Variants in AGBL4 observed in about 807,000 individuals in gnomAD.
AGBL4 encodes AGBL carboxypeptidase 4.
In AGBL4, 58 loss-of-function variants were observed where a neutral mutation model predicts 66.4. The ratio of observed to expected loss-of-function variants is 0.87; its 90% confidence interval spans 0.71 to 1.09. AGBL4 has a LOEUF of 1.09. AGBL4 is among the 50% of genes least tolerant of loss of function. The probability of loss-of-function intolerance (pLI) is 0.00; values close to 1 mark genes in which losing one functional copy is unlikely to be tolerated. For missense variants in AGBL4, 579 were observed against 631.0 expected (o/e 0.92, Z 0.88); for synonymous variants, 234 against 222.9 (o/e 1.05, Z -0.44).
chr1:49,437,851 G>T (rs1368419079), intron 3 of AGBL4, among the ~76,000 whole-genome samples: 1 of 151,094 alleles, frequency 6.6e-6, no homozygotes, highest in African/African-American at 2.5e-5. Context: ...CGGCCTGACA[G>T]ATTCTTGTTT....
rs182627351 is a variant in AGBL4, at chr1:49,977,354, T to C, written c.34+46409A>G. 9.2e-5 allele frequency among the ~76,000 whole-genome samples: 14 copies of C among 152,366 alleles called. No homozygotes were observed. In the East Asian group the frequency reaches 2.5e-3, roughly 27 times the overall value. ...ACTTCACCTCCCATCTTCCATGAGC[T>C]TCACCTCCCATCTTCCATGAGCTTC... is the stretch of plus-strand genomic sequence containing the variant. On this transcript the variant is annotated intron_variant, in intron 1 of 13. Transcript: ENST00000371839.
intron 5 of AGBL4, among the ~76,000 whole-genome samples, chr1:48,910,009 CTCTA>C (rs1445464755): frequency 4.6e-5 from 7 of 152,150 alleles, no homozygotes; most frequent in African/African-American, 1.4e-4. Context: ...ACTTAATGGA[CTCTA>C]TCTAACTATT....
At chr1:49,388,844 A>G (rs1380623568) in intron 3 of AGBL4, among the ~76,000 whole-genome samples, 1 of 152,152 alleles carries the variant, frequency 6.6e-6, no homozygotes, top group African/African-American at 2.4e-5. Context: ...TGTCAGGAAA[A>G]CTGCAGAAGA....
intron 3 of AGBL4, among the ~76,000 whole-genome samples, chr1:49,609,163 G>A (rs190761016): frequency 3.3e-5 from 5 of 152,260 alleles, no homozygotes; most frequent in Admixed American, 3.3e-4. Flanking sequence ...AAGGACAACA[G>A]CCAAGCACAG....
intron 6 of AGBL4, among the ~76,000 whole-genome samples, chr1:48,793,359 A>G (rs1570687308): frequency 6.6e-6 from 1 of 152,312 alleles, no homozygotes; most frequent in East Asian, 1.9e-4. Flanking sequence ...TATTAAATCT[A>G]AAGCTCTCTT....
intron 5 of AGBL4, among the ~76,000 whole-genome samples, chr1:48,893,171 G>T (rs555895185): frequency 1.8e-4 from 28 of 152,114 alleles, no homozygotes; most frequent in Non-Finnish European, 3.7e-4. Flanking sequence ...TGTACCAATG[G>T]GTGGTTTGGA....
At chr1:48,923,762 T>A (rs148127956) in intron 5 of AGBL4, among the ~76,000 whole-genome samples, 2 of 152,202 alleles carry the variant, frequency 1.3e-5, no homozygotes, top group Non-Finnish European at 2.9e-5. Flanking sequence ...TTTAACGAAT[T>A]TGCATTTGGC....
intron 4 of AGBL4, among the ~76,000 whole-genome samples, chr1:49,206,537 C>T (rs1450037159): frequency 6.6e-6 from 1 of 152,052 alleles, no homozygotes; most frequent in African/African-American, 2.4e-5. Flanking sequence ...ACACAAACCC[C>T]TTCCCTGACA....
At chr1:49,124,999 G>A (rs1423212632) in intron 4 of AGBL4, among the ~76,000 whole-genome samples, 1 of 152,144 alleles carries the variant, frequency 6.6e-6, no homozygotes, top group East Asian at 1.9e-4. Context: ...TTCTCAGTCA[G>A]TTGGTGACTT....
chr1:48,972,255 T>C (rs534825079), intron 5 of AGBL4, among the ~76,000 whole-genome samples: 3 of 152,168 alleles, frequency 2.0e-5, no homozygotes, highest in Admixed American at 6.6e-5. Flanking sequence ...AGGGAGATGG[T>C]CAAGTTGGGG....
At chr1:49,877,542 G>C (rs1258464777) in intron 1 of AGBL4, among the ~76,000 whole-genome samples, 2 of 151,490 alleles carry the variant, frequency 1.3e-5, no homozygotes, top group South Asian at 2.1e-4. Flanking sequence ...TTTTTGATGG[G>C]CTGCTGGATT....
At chr1:48,820,224 T>C (rs6684711) in intron 6 of AGBL4, among the ~76,000 whole-genome samples, 124,341 of 152,116 alleles carry the variant, frequency 0.82, 53,580 homozygotes, top group Non-Finnish European at 0.96. Context: ...GGGACTTCCT[T>C]AGAAAACACT....
At chr1:49,275,388 T>A (rs879719754) in intron 3 of AGBL4, among the ~76,000 whole-genome samples, 10 of 152,166 alleles carry the variant, frequency 6.6e-5, no homozygotes, top group African/African-American at 1.9e-4. Flanking sequence ...TGATGACAAA[T>A]CCTTGGCTTG....
chr1:49,188,552 G>T (rs1394446400), intron 4 of AGBL4, among the ~76,000 whole-genome samples: 1 of 152,132 alleles, frequency 6.6e-6, no homozygotes, highest in Non-Finnish European at 1.5e-5. Flanking sequence ...TGTCCTTTGA[G>T]TAATAATCTC....
chr1:49,741,591 C>A (rs1316489926), intron 2 of AGBL4, among the ~76,000 whole-genome samples: 2 of 151,948 alleles, frequency 1.3e-5, no homozygotes, highest in Non-Finnish European at 2.9e-5. Flanking sequence ...GGCTGAGACA[C>A]AACAAAAAAA....
chr1:49,330,087 A>C (rs1023880566), intron 3 of AGBL4, among the ~76,000 whole-genome samples: 5 of 152,202 alleles, frequency 3.3e-5, no homozygotes, highest in African/African-American at 1.2e-4. Flanking sequence ...GATATTTCCT[A>C]TTTGGAACCA....
chr1:49,754,135 TG>T (rs1423100374), intron 2 of AGBL4, among the ~76,000 whole-genome samples: 2 of 152,192 alleles, frequency 1.3e-5, no homozygotes, highest in Admixed American at 1.3e-4. Flanking sequence ...TGTGATCCTT[TG>T]GAGGAGAAGA....
chr1:49,060,104 G>A (rs1644376944), intron 4 of AGBL4, among the ~76,000 whole-genome samples: 1 of 152,104 alleles, frequency 6.6e-6, no homozygotes, highest in Non-Finnish European at 1.5e-5. Flanking sequence ...GAATAATGTG[G>A]TTTGGCTGTG....
intron 6 of AGBL4, among the ~76,000 whole-genome samples, chr1:48,780,276 A>G (rs975229278): frequency 1.3e-5 from 2 of 150,360 alleles, no homozygotes; most frequent in African/African-American, 4.9e-5. Flanking sequence ...ATGAGAGAGA[A>G]TAGGACACAA....
Sources: allele counts gnomAD v4.1 joint callset (sites outside exome capture counted in the v4.1 genomes callset), GRCh38; gene constraint gnomAD v4.1.1; transcripts MANE v1.5; gene names NCBI Gene and HGNC (gene_info 2026-07-23, HGNC 2026-07-21).